Variants in PTPN5 observed in about 807,000 individuals in gnomAD.
The protein encoded by PTPN5 is protein tyrosine phosphatase non-receptor type 5.
A neutral mutation model predicts 73.9 loss-of-function variants in PTPN5; 29 were observed. The observed-to-expected ratio is 0.39, with a 90% CI of 0.29 to 0.54. The LOEUF is 0.54. Among genes scored for constraint, PTPN5 ranks in the 20% least tolerant of loss-of-function variants. The pLI, the probability that PTPN5 is intolerant of heterozygous loss-of-function variation, is 0.65. For missense variants in PTPN5, 652 were observed against 751.4 expected (o/e 0.87, Z 1.55); for synonymous variants, 267 against 304.7 (o/e 0.88, Z 1.29).
At position 18,742,447 on chromosome 11, in the gene PTPN5, G is replaced by A. The variant is rs1849408978; in HGVS notation, c.540C>T (p.Asp180=). 6.2e-7 allele frequency: 1 copy of A among 1,614,010 alleles called. No individual in the cohort carries two copies. The highest frequency in any genetic ancestry group is 1.7e-5 in the Admixed American group (1 of 60,010). The change falls in exon 7 of 15, where the codon GAC becomes GAT. Residue 180 remains aspartate, a synonymous_variant. Transcript: ENST00000358540. This position sits in a 1 kb window ranked among gnomAD's most constrained non-coding sequence, Gnocchi z 4.1. ...GCTGGCGGCTCACTGACTGGCGCCT[G>A]TCCTCAGGGGGCAGTGGGGTGGGTG... ...PEPPTPLPPE[D]RRQSVSRQPS...
intron 8 of PTPN5, among the ~76,000 whole-genome samples, chr11:18,739,073 C>G (rs1011209094): frequency 6.6e-6 from 1 of 151,996 alleles, no homozygotes; most frequent in Admixed American, 6.6e-5. Flanking sequence ...TCCTTCCAGT[C>G]TGTCCACCAG....
chr11:18,758,848 G>A (rs964946629), intron 3 of PTPN5, among the ~76,000 whole-genome samples: 17 of 152,194 alleles, frequency 1.1e-4, no homozygotes, highest in Admixed American at 9.8e-4. Context: ...GCAGGGGACT[G>A]GACCAGATGC....
At chr11:18,766,862 G>A (rs990034833) in intron 2 of PTPN5, among the ~76,000 whole-genome samples, 2 of 152,198 alleles carry the variant, frequency 1.3e-5, no homozygotes, top group African/African-American at 4.8e-5. Flanking sequence ...GGGTCAATCA[G>A]ATCCTCTCCC....
At chr11:18,745,674 T>G (rs751003) in intron 3 of PTPN5, among the ~76,000 whole-genome samples, 36,998 of 151,612 alleles carry the variant, frequency 0.24, 4,912 homozygotes, top group African/African-American at 0.32. Context: ...ATCATCATCA[T>G]CAGCAGCAGC....
rs552120359 is a variant in PTPN5, at chr11:18,772,092, G to A, written c.-113-21C>T. The A allele has an allele frequency of 9.5e-5, 59 of 620,788 alleles. No individual in the cohort carries two copies. The South Asian group carries it at 1.4e-3, about 14-fold the overall frequency. 38.5% of individuals were successfully genotyped at this position (620,788 alleles called of 1,614,324 possible). ...TCCAGCTGGGAAAACGGGGCAAAGAGAGATTAAGTGACTAGTCTCAGGTCA... is the reference window on the plus strand; with the variant it reads ...TCCAGCTGGGAAAACGGGGCAAAGAAAGATTAAGTGACTAGTCTCAGGTCA... On this transcript the variant is annotated intron_variant, in intron 1 of 14. Transcript: ENST00000358540.
chr11:18,790,237 C>T (rs1055420858), intron 1 of PTPN5, among the ~76,000 whole-genome samples: 2 of 152,108 alleles, frequency 1.3e-5, no homozygotes, highest in Non-Finnish European at 2.9e-5. Flanking sequence ...TCAGCAGCAC[C>T]AAGAGGCTGC....
At chr11:18,748,544 T>C (rs1450149189) in intron 3 of PTPN5, among the ~76,000 whole-genome samples, 1 of 152,212 alleles carries the variant, frequency 6.6e-6, no homozygotes, top group Non-Finnish European at 1.5e-5. Flanking sequence ...TCTGACTTTT[T>C]TTTAATCCAG....
At chr11:18,758,218 T>TA (rs1397033909) in intron 3 of PTPN5, among the ~76,000 whole-genome samples, 2 of 152,340 alleles carry the variant, frequency 1.3e-5, no homozygotes, top group African/African-American at 2.4e-5. Context: ...CCCTTGGATC[T>TA]AGGCTGACCC....
At chr11:18,761,162 C>T (rs1850369634) in intron 3 of PTPN5, among the ~76,000 whole-genome samples, 2 of 152,206 alleles carry the variant, frequency 1.3e-5, no homozygotes, top group South Asian at 4.1e-4. Context: ...GACCTTGGTC[C>T]CTGCAGGCCT....
intron 3 of PTPN5, among the ~76,000 whole-genome samples, chr11:18,749,956 C>T (rs543948742): frequency 7.2e-5 from 11 of 152,286 alleles, no homozygotes; most frequent in South Asian, 2.1e-4. Flanking sequence ...ATGTGGCCAG[C>T]GGTCACAGGG....
rs772342901 is a variant in PTPN5, at chr11:18,744,024, G to A, written c.273C>T (p.Phe91=). The A allele has an allele frequency of 3.7e-5, 60 of 1,603,186 alleles. No homozygotes were observed. Among genetic ancestry groups the A allele is most frequent in the African/African-American group, 2.7e-5 (2 of 74,046 alleles). The change falls in exon 4 of 15, where the codon TTC becomes TTT. Residue 91 remains phenylalanine, a synonymous_variant. Coordinates refer to ENST00000358540, the MANE Select transcript of PTPN5 (RefSeq NM_006906.2). ...SLTVRSSLCL[F]AASQFLLACG... ...TCCTTACCAGGAACTGTGAGGCAGC[G>A]AACAGGCACAGGCTGCTCCTGACAG... is the stretch of plus-strand genomic sequence containing the variant.
chr11:18,777,562 C>T (rs1285800190), intron 1 of PTPN5, among the ~76,000 whole-genome samples: 3 of 152,146 alleles, frequency 2.0e-5, no homozygotes, highest in African/African-American at 4.8e-5. Flanking sequence ...GCTGGTAAAC[C>T]GGTTCTTAAC....
intron 3 of PTPN5, among the ~76,000 whole-genome samples, chr11:18,752,196 C>G (rs764018545): frequency 2.0e-5 from 3 of 152,218 alleles, no homozygotes; most frequent in Non-Finnish European, 4.4e-5. Context: ...CGCGCCACTG[C>G]ACTCCAGCCT....
intron 2 of PTPN5, among the ~76,000 whole-genome samples, chr11:18,770,314 C>T (rs1320725920): frequency 3.3e-5 from 5 of 152,238 alleles, no homozygotes; most frequent in Non-Finnish European, 7.3e-5. Context: ...CTCCTCCCCA[C>T]AGCCCCTGGC....
At chr11:18,745,397 G>C (rs1218116704) in intron 3 of PTPN5, among the ~76,000 whole-genome samples, 1 of 152,162 alleles carries the variant, frequency 6.6e-6, no homozygotes, top group East Asian at 1.9e-4. Context: ...CCCGGTCCTG[G>C]AGCTGTGTTT....
intron 1 of PTPN5, among the ~76,000 whole-genome samples, chr11:18,790,566 G>A (rs552218166): frequency 6.6e-6 from 1 of 152,182 alleles, no homozygotes; most frequent in Non-Finnish European, 1.5e-5. Flanking sequence ...CTCCTTTGAG[G>A]TTGAAGGAAG....
intron 5 of PTPN5, 121 bp from the exon 6 acceptor site, chr11:18,743,196 G>A: frequency 8.1e-7 from 1 of 1,235,292 alleles, no homozygotes. Context: ...GGAGCAGGCA[G>A]AAGAACTTCA....
chr11:18,749,070 T>C (rs2134245780), intron 3 of PTPN5, among the ~76,000 whole-genome samples: 1 of 152,320 alleles, frequency 6.6e-6, no homozygotes, highest in East Asian at 1.9e-4. Flanking sequence ...CCAAAGTGCC[T>C]CTGCATACGC....
chr11:18,755,302 A>AG (rs1489696874), intron 3 of PTPN5, among the ~76,000 whole-genome samples: 18 of 152,204 alleles, frequency 1.2e-4, no homozygotes, highest in Admixed American at 1.1e-3. Flanking sequence ...CAACAACTTG[A>AG]GATGTTGTGA....
Sources: gnomAD v4.1 joint callset for allele counts (sites outside exome capture counted in the v4.1 genomes callset) on GRCh38, gnomAD v4.1.1 for gene constraint, Gnocchi (gnomAD v3.1) non-coding constraint, MANE v1.5 for transcripts, NCBI Gene and HGNC (gene_info 2026-07-23, HGNC 2026-07-21) for gene names.